ERI1: variants seen among roughly 807,000 people sequenced by gnomAD.
ERI1 encodes the protein exoribonuclease 1.
Under a neutral mutation model 39.7 loss-of-function variants are expected in ERI1, and 39 were observed. The observed-to-expected ratio is 0.98, with a 90% confidence interval of 0.76 to 1.28. The LOEUF is 1.28. ERI1 is among the 50% of genes most tolerant of loss of function. The pLI is 0.00. For synonymous variants in ERI1, 204 were observed against 149.6 expected (o/e 1.36, Z -2.65); for missense variants, 581 against 416.9 (o/e 1.39, Z -3.43).
In ERI1 at chr8:9,031,654, A is replaced by G. The variant is rs944070094; in HGVS notation, c.*1620A>G. On this transcript the variant is annotated 3_prime_UTR_variant, in exon 7 of 7. Transcript: ENST00000250263. ...TTACGTTTCCAGTTTTTTTAGCTCTATCTGCTAATTTCTTTGCCTGTTTTC... is the reference window on the plus strand; with the variant it reads ...TTACGTTTCCAGTTTTTTTAGCTCTGTCTGCTAATTTCTTTGCCTGTTTTC... 3.3e-5 allele frequency: 5 copies of G among 152,180 alleles called. No homozygotes were observed. Among genetic ancestry groups the G allele is most frequent in the African/African-American group, 1.2e-4 (5 of 41,440 alleles). The allele number at this position is 152,180 out of a possible 1,614,324, so 9.4% of individuals were successfully genotyped here. A position where few individuals can be genotyped will look rare whatever the true frequency, so the allele number is the denominator to read the frequency against.
intron 3 of ERI1, among the ~76,000 whole-genome samples, chr8:9,065,188 G>C (rs1360034740): frequency 1.3e-5 from 2 of 152,172 alleles, no homozygotes; most frequent in African/African-American, 4.8e-5. Flanking sequence ...GGGCTCAGAG[G>C]CCTGACACCA....
intron 3 of ERI1, among the ~76,000 whole-genome samples, chr8:9,086,837 T>A (rs1799544451): frequency 6.6e-6 from 1 of 152,124 alleles, no homozygotes; most frequent in Admixed American, 6.5e-5. Flanking sequence ...TGAGCAAGAG[T>A]GTCAAACCAT....
chr8:9,095,869 G>A (rs933109655), intron 3 of ERI1, among the ~76,000 whole-genome samples: 9 of 152,162 alleles, frequency 5.9e-5, no homozygotes, highest in Non-Finnish European at 1.0e-4. Context: ...TGTAGGGGTG[G>A]GTCGGGGGGC....
chr8:9,098,105 C>T (rs937183601), intron 3 of ERI1, among the ~76,000 whole-genome samples: 2 of 152,130 alleles, frequency 1.3e-5, no homozygotes, highest in Non-Finnish European at 2.9e-5. Context: ...TACAGTGGGC[C>T]GGGCACAGTG....
chr8:9,046,541 G>T (rs1798180391), intron 3 of ERI1, among the ~76,000 whole-genome samples: 1 of 152,160 alleles, frequency 6.6e-6, no homozygotes, highest in Non-Finnish European at 1.5e-5. Context: ...CAATTAAAGA[G>T]CCCAGTGACT....
At chr8:9,012,295 C>G (rs117089989) in intron 3 of ERI1, among the ~76,000 whole-genome samples, 1,654 of 152,238 alleles carry the variant, frequency 0.011, 11 homozygotes, top group Middle Eastern at 0.02. Context: ...GTTTCTAAGC[C>G]AAATAATATG....
At chr8:9,089,887 G>T (rs567167087) in intron 3 of ERI1, among the ~76,000 whole-genome samples, 1 of 151,686 alleles carries the variant, frequency 6.6e-6, no homozygotes, top group Admixed American at 6.6e-5. Flanking sequence ...AAGATTGGGA[G>T]GAGGAGGATG....
intron 3 of ERI1, among the ~76,000 whole-genome samples, chr8:9,086,711 C>T (rs1376719460): frequency 6.6e-6 from 1 of 152,190 alleles, no homozygotes; most frequent in African/African-American, 2.4e-5. Context: ...CCTAAATGTC[C>T]TACCTAATCA....
At chr8:9,009,025 T>C in intron 2 of ERI1, 1 of 456,290 alleles carries the variant, frequency 2.2e-6, no homozygotes, top group East Asian at 6.9e-5. Flanking sequence ...TTCTTTCTGT[T>C]ATGAAGGTAC....
chr8:9,081,337 G>A (rs1015118375), intron 3 of ERI1, among the ~76,000 whole-genome samples: 13 of 152,326 alleles, frequency 8.5e-5, no homozygotes, highest in African/African-American at 1.2e-4. Flanking sequence ...AGTGAGTGGG[G>A]CATTTTAGAT....
At chr8:9,007,563 G>T (rs958099268) in intron 1 of ERI1, among the ~76,000 whole-genome samples, 6 of 152,114 alleles carry the variant, frequency 3.9e-5, no homozygotes, top group African/African-American at 1.2e-4. Context: ...TAATAATTCT[G>T]CCCAAACACT....
chr8:9,070,520 G>T (rs1480491289), intron 3 of ERI1, among the ~76,000 whole-genome samples: 2 of 152,094 alleles, frequency 1.3e-5, no homozygotes, highest in Non-Finnish European at 2.9e-5. Flanking sequence ...AAGATACCTA[G>T]TTATATTTGG....
At chr8:9,067,135 C>T (rs993567226) in intron 3 of ERI1, among the ~76,000 whole-genome samples, 2 of 152,084 alleles carry the variant, frequency 1.3e-5, no homozygotes, top group Admixed American at 6.6e-5. Flanking sequence ...GACATAAAAT[C>T]GTTTTGGGAA....
At chr8:9,041,418 G>A (rs1798015093) in intron 3 of ERI1, among the ~76,000 whole-genome samples, 1 of 152,086 alleles carries the variant, frequency 6.6e-6, no homozygotes, top group South Asian at 2.1e-4. Flanking sequence ...CATTCTCCAG[G>A]GTTGACCATA....
intron 3 of ERI1, among the ~76,000 whole-genome samples, chr8:9,085,286 G>T (rs777967686): frequency 2.6e-5 from 4 of 152,118 alleles, no homozygotes; most frequent in Middle Eastern, 6.3e-3. Flanking sequence ...TCGACTTACT[G>T]CAAACTCTGC....
At chr8:9,016,746 C>T (rs1340174751) in intron 4 of ERI1, among the ~76,000 whole-genome samples, 1 of 152,146 alleles carries the variant, frequency 6.6e-6, no homozygotes, top group Non-Finnish European at 1.5e-5. Context: ...AGTACAGTGG[C>T]GTGACCTCGG....
chr8:9,071,122 A>G (rs1799035819), intron 3 of ERI1, among the ~76,000 whole-genome samples: 1 of 152,040 alleles, frequency 6.6e-6, no homozygotes, highest in Admixed American at 6.6e-5. Flanking sequence ...AGATTATTGA[A>G]CTCGCAAGGG....
chr8:9,090,932 T>G (rs1363088755), intron 3 of ERI1, among the ~76,000 whole-genome samples: 1 of 152,218 alleles, frequency 6.6e-6, no homozygotes, highest in Non-Finnish European at 1.5e-5. Flanking sequence ...AAACTTTTTA[T>G]AGTGTGTAAT....
intron 5 of ERI1, 42 bp downstream of exon 5, chr8:9,018,448 A>C: frequency 9.1e-7 from 1 of 1,095,442 alleles, no homozygotes; most frequent in Non-Finnish European, 1.4e-6. Flanking sequence ...CTACTTTTTA[A>C]AGATTAAAGA....
Sources: gnomAD v4.1 joint callset for allele counts (sites outside exome capture counted in the v4.1 genomes callset) on GRCh38, gnomAD v4.1.1 for gene constraint, MANE v1.5 for transcripts, NCBI Gene and HGNC (gene_info 2026-07-23, HGNC 2026-07-21) for gene names.